FHIP1A: variants seen among roughly 807,000 people sequenced by gnomAD.
FHIP1A encodes the protein FHF complex subunit HOOK-interacting protein 1A.
In FHIP1A, 61 loss-of-function variants were observed where a neutral mutation model predicts 88.6. The observed-to-expected ratio is 0.69, with a 90% CI of 0.56 to 0.85. The LOEUF is 0.85. Ranked by LOEUF, FHIP1A falls within the 40% of genes least tolerant of loss-of-function variation. FHIP1A has a pLI of 0.00. For synonymous variants in FHIP1A, 478 were observed against 496.0 expected (o/e 0.96, Z 0.48); for missense variants, 1,154 against 1,273.5 (o/e 0.91, Z 1.43).
chr4:151,454,033 G>A (rs1728886307), intron 1 of FHIP1A, among the ~76,000 whole-genome samples: 1 of 152,108 alleles, frequency 6.6e-6, no homozygotes, highest in African/African-American at 2.4e-5. Context: ...AGGTAATGCT[G>A]TGATGAATAA....
At chr4:151,625,564 T>A (rs1174884886) in intron 7 of FHIP1A, among the ~76,000 whole-genome samples, 1 of 152,214 alleles carries the variant, frequency 6.6e-6, no homozygotes, top group Non-Finnish European at 1.5e-5. Context: ...TATGCTCAAT[T>A]TCACTCATAC....
chr4:151,473,916 T>C (rs1729612499), intron 2 of FHIP1A, among the ~76,000 whole-genome samples: 1 of 152,220 alleles, frequency 6.6e-6, no homozygotes, highest in South Asian at 2.1e-4. Flanking sequence ...TTTTGGAACT[T>C]GACCAGTCTG....
At chr4:151,489,477 C>T (rs1282305985) in intron 3 of FHIP1A, among the ~76,000 whole-genome samples, 3 of 152,052 alleles carry the variant, frequency 2.0e-5, no homozygotes, top group Non-Finnish European at 2.9e-5. Flanking sequence ...GAACAGGAAG[C>T]GCGGATAGGA....
In FHIP1A at chr4:151,656,249, G is replaced by C. The variant is rs1251491355; in HGVS notation, c.2569G>C (p.Val857Leu). 5.8e-6 allele frequency: 9 copies of C among 1,551,528 alleles called. No homozygotes were observed. The African/African-American group carries it at 1.2e-4, about 21-fold the overall frequency. ...TPFTGPFISV[V>L]LSKLENMLEN... The stretch of plus-strand genomic sequence containing the variant: ...TCCTGCAGGCCCATTCATCAGCGTA[G>C]TCCTGTCAAAGCTGGAGAACATGCT... The change falls in exon 12 of 14, where the codon GTC becomes CTC. Residue 857 changes from valine (V) to leucine (L), a missense_variant. Val to Leu is a conservative substitution (Grantham distance 32, BLOSUM62 1). Coordinates refer to ENST00000435205, the MANE Select transcript of FHIP1A (RefSeq NM_001109977.3). This position sits in a 1 kb window ranked among gnomAD's most constrained non-coding sequence, Gnocchi z 4.2.
chr4:151,423,166 G>A (rs1396840904), intron 1 of FHIP1A, among the ~76,000 whole-genome samples: 2 of 152,244 alleles, frequency 1.3e-5, no homozygotes, highest in South Asian at 2.1e-4. Context: ...TTCTGACAGA[G>A]TAGTCTTAAA....
At chr4:151,634,930 A>G (rs573471203) in intron 8 of FHIP1A, among the ~76,000 whole-genome samples, 11 of 152,018 alleles carry the variant, frequency 7.2e-5, no homozygotes, top group African/African-American at 2.6e-4. Flanking sequence ...GGCGTATCAA[A>G]TGAAATAATC....
chr4:151,609,650 C>A (rs943900092), intron 7 of FHIP1A, among the ~76,000 whole-genome samples: 2 of 152,038 alleles, frequency 1.3e-5, no homozygotes, highest in African/African-American at 4.8e-5. Flanking sequence ...AGCACTGTGT[C>A]TTTGAATGTT....
At chr4:151,643,346 A>G (rs1736664188) in intron 9 of FHIP1A, among the ~76,000 whole-genome samples, 1 of 152,166 alleles carries the variant, frequency 6.6e-6, no homozygotes, top group African/African-American at 2.4e-5. Flanking sequence ...TAATAGTTGC[A>G]CATATTTTTG....
At chr4:151,515,890 A>G (rs1455386426) in intron 3 of FHIP1A, among the ~76,000 whole-genome samples, 1 of 152,214 alleles carries the variant, frequency 6.6e-6, no homozygotes, top group Non-Finnish European at 1.5e-5. Context: ...TAATTTATAG[A>G]TTCAGTGCCA....
chr4:151,585,338 C>A (rs1311723375), intron 5 of FHIP1A, among the ~76,000 whole-genome samples: 2 of 152,132 alleles, frequency 1.3e-5, no homozygotes, highest in African/African-American at 4.8e-5. Context: ...TGCCACCACA[C>A]CCAGCTAAAT....
At chr4:151,448,384 T>G (rs1728680969) in intron 1 of FHIP1A, among the ~76,000 whole-genome samples, 1 of 152,220 alleles carries the variant, frequency 6.6e-6, no homozygotes, top group African/African-American at 2.4e-5. Context: ...CACATTGTTG[T>G]ACAACCATTA....
At chr4:151,543,241 C>T (rs1732364395) in intron 3 of FHIP1A, among the ~76,000 whole-genome samples, 1 of 152,166 alleles carries the variant, frequency 6.6e-6, no homozygotes, top group Non-Finnish European at 1.5e-5. Context: ...AAATCCAGCT[C>T]TAGAGTCTGT....
intron 9 of FHIP1A, among the ~76,000 whole-genome samples, chr4:151,640,139 GC>G (rs1736516423): frequency 6.6e-6 from 1 of 152,322 alleles, no homozygotes; most frequent in Non-Finnish European, 1.5e-5. Context: ...GGCCCAGCAA[GC>G]CATGTTTTAA....
At chr4:151,488,891 A>T (rs1413822941) in intron 3 of FHIP1A, among the ~76,000 whole-genome samples, 1 of 152,224 alleles carries the variant, frequency 6.6e-6, no homozygotes. Flanking sequence ...CTACTTTTGT[A>T]AAATAACTCG....
At chr4:151,477,671 G>T (rs1729755840) in intron 2 of FHIP1A, among the ~76,000 whole-genome samples, 1 of 151,996 alleles carries the variant, frequency 6.6e-6, no homozygotes, top group African/African-American at 2.4e-5. Flanking sequence ...GAAGAAAAAT[G>T]GACTAAGGCT....
chr4:151,471,000 A>G (rs1004016228), intron 2 of FHIP1A, among the ~76,000 whole-genome samples: 2 of 152,152 alleles, frequency 1.3e-5, no homozygotes, highest in African/African-American at 2.4e-5. Context: ...TTGGAGCACA[A>G]TACCAAAGAT....
intron 3 of FHIP1A, among the ~76,000 whole-genome samples, chr4:151,527,885 A>G (rs1731737945): frequency 6.8e-6 from 1 of 146,130 alleles, no homozygotes; most frequent in East Asian, 2.0e-4. Context: ...CCACTCAATG[A>G]AGTTGGTTGT....
intron 7 of FHIP1A, among the ~76,000 whole-genome samples, chr4:151,624,756 T>A (rs1179812951): frequency 6.6e-6 from 1 of 152,146 alleles, no homozygotes; most frequent in Non-Finnish European, 1.5e-5. Context: ...AGCTGGCCTC[T>A]GGCGGTGCTA....
At chr4:151,556,823 A>G (rs1732964382) in intron 3 of FHIP1A, among the ~76,000 whole-genome samples, 1 of 152,124 alleles carries the variant, frequency 6.6e-6, no homozygotes, top group Admixed American at 6.6e-5. Context: ...TAGTGTGGGT[A>G]TCTCACTGTG....
Sources: allele counts gnomAD v4.1 joint callset (sites outside exome capture counted in the v4.1 genomes callset), GRCh38; gene constraint gnomAD v4.1.1; non-coding constraint Gnocchi (gnomAD v3.1); transcripts MANE v1.5; gene names NCBI Gene and HGNC (gene_info 2026-07-23, HGNC 2026-07-21).